Variants in ITPRID1 observed in about 807,000 individuals in gnomAD.
ITPRID1 encodes protein ITPRID1.
A neutral mutation model predicts 95.4 loss-of-function variants in ITPRID1; 96 were observed. The observed-to-expected ratio is 1.01, with a 90% confidence interval of 0.85 to 1.19. The LOEUF (loss-of-function observed/expected upper bound fraction) is 1.19, where lower values mean the gene tolerates loss of function less well. Ranked by LOEUF, ITPRID1 falls within the 50% of genes most tolerant of loss-of-function variation. The pLI, the probability that ITPRID1 is intolerant of heterozygous loss-of-function variation, is 0.00. For missense variants in ITPRID1, 1,339 were observed against 1,252.9 expected, an observed-to-expected ratio of 1.07 and a Z score of -1.04; for synonymous variants, 510 against 453.6, an observed-to-expected ratio of 1.12 and a Z score of -1.58.
At chr7:31,616,527 G>A (rs1787246009) in intron 10 of ITPRID1, among the ~76,000 whole-genome samples, 1 of 151,450 alleles carries the variant, frequency 6.6e-6, no homozygotes, top group African/African-American at 2.5e-5. Context: ...AGGAGAAGGA[G>A]GTCATCTGCC....
intron 10 of ITPRID1, among the ~76,000 whole-genome samples, chr7:31,596,055 T>C (rs1188499530): frequency 2.6e-5 from 4 of 151,716 alleles, no homozygotes; most frequent in Non-Finnish European, 4.4e-5. Context: ...ATTTTGCATA[T>C]GTCATTTATT....
chr7:31,555,510 T>C (rs1784417474), intron 5 of ITPRID1, among the ~76,000 whole-genome samples: 1 of 150,770 alleles, frequency 6.6e-6, no homozygotes, highest in Non-Finnish European at 1.5e-5. Flanking sequence ...GACCCTTCAA[T>C]TATAAAATGC....
chr7:31,515,182 T>G (rs1048655535), intron 1 of ITPRID1, among the ~76,000 whole-genome samples: 1 of 152,032 alleles, frequency 6.6e-6, no homozygotes, highest in Non-Finnish European at 1.5e-5. Flanking sequence ...AAAAAATTGT[T>G]ATAGGAATAC....
intron 10 of ITPRID1, among the ~76,000 whole-genome samples, chr7:31,595,247 A>G (rs543812250): frequency 5.9e-4 from 90 of 151,314 alleles, no homozygotes; most frequent in African/African-American, 2.1e-3. Context: ...GTTTCACCAT[A>G]TTGGCCAGGC....
rs1236693093 is a variant in ITPRID1 at position 31,643,301 on chromosome 7, C to G, written c.1931C>G (p.Pro644Arg). 1 of 1,613,700 alleles carries G rather than the reference C, an allele frequency of 6.2e-7. No individual in the cohort carries two copies. Among genetic ancestry groups the G allele is most frequent in the Non-Finnish European group, 8.5e-7 (1 of 1,179,876 alleles). ...LVPESSSQCI[P>R]KHSEITPYAT... is the part of the protein sequence containing the mutation. The stretch of plus-strand genomic sequence containing the variant: ...CCAGAAAGCTCATCACAGTGTATCC[C>G]CAAGCACAGTGAAATCACACCTTAT... Residue 644 changes from proline (P) to arginine (R), a missense_variant, in exon 12 of 15, where the codon CCC (proline) becomes CGC (arginine). Transcript: ENST00000615280.
intron 9 of ITPRID1, among the ~76,000 whole-genome samples, chr7:31,582,110 C>G (rs1015014391): frequency 6.6e-6 from 1 of 152,112 alleles, no homozygotes; most frequent in South Asian, 2.1e-4. Flanking sequence ...AGTAATATGA[C>G]ATGTAGAACA....
chr7:31,576,435 A>G (rs949335766), intron 8 of ITPRID1, among the ~76,000 whole-genome samples: 2 of 152,230 alleles, frequency 1.3e-5, no homozygotes, highest in African/African-American at 4.8e-5. Flanking sequence ...GTCTTAGTCT[A>G]AATTTAAAAA....
chr7:31,531,023 T>C (rs12701115), intron 1 of ITPRID1, among the ~76,000 whole-genome samples: 88,573 of 151,888 alleles, frequency 0.58, 26,869 homozygotes, highest in Middle Eastern at 0.71. Flanking sequence ...GCCTCTGGAG[T>C]AGGTCTGGGA....
At chr7:31,591,371 A>G (rs1785857679) in intron 10 of ITPRID1, among the ~76,000 whole-genome samples, 1 of 152,212 alleles carries the variant, frequency 6.6e-6, no homozygotes, top group African/African-American at 2.4e-5. Context: ...TGTGAGACAC[A>G]CATATGCAGC....
downstream of ITPRID1, among the ~76,000 whole-genome samples, chr7:31,656,863 G>A (rs1311311395): frequency 1.4e-5 from 2 of 144,246 alleles, no homozygotes; most frequent in East Asian, 4.1e-4. Flanking sequence ...GAGCATAGAA[G>A]GGAAACTAAA....
rs548037231 is a variant in ITPRID1, at chr7:31,594,775, C to T, written c.1228+11584C>T. Among the ~76,000 whole-genome samples, 9 of 151,618 alleles carry T rather than the reference C, an allele frequency of 5.9e-5. 1 individual carries two copies. The South Asian group carries it at 6.3e-4, about 11-fold the overall frequency. ...GGAAGGCTGAGGCAGAAGAATCGCT[C>T]GAACTTGGGAGGCAGAGGTTGCAAT... On this transcript the variant is annotated intron_variant, in intron 10 of 14. Transcript: ENST00000615280.
rs1158232246 is a variant in ITPRID1 at position 31,578,165 on chromosome 7, T to G, written c.901T>G (p.Ser301Ala). The G allele has an allele frequency of 4.3e-6, 7 of 1,613,766 alleles. No individual in the cohort carries two copies. The highest frequency in any genetic ancestry group is 5.9e-6 in the Non-Finnish European group (7 of 1,179,808). The change falls in exon 9 of 15, where the codon TCA (serine) becomes GCA (alanine). Residue 301 changes from serine to alanine, a missense_variant. Physicochemically the swap from Ser to Ala is moderately conservative, Grantham distance 99 (BLOSUM62 1). Coordinates refer to ENST00000615280, the MANE Select transcript of ITPRID1 (RefSeq NM_001257967.3). ...WDCGAELAATSINHKQNHLSL... is the reference protein window; with the variant it reads ...WDCGAELAATAINHKQNHLSL... Reference sequence around the variant, plus strand: ...TTGTGGAGCAGAGCTAGCAGCAACCTCAATCAACCACAAGCAAAATCATTT... The same window carrying G: ...TTGTGGAGCAGAGCTAGCAGCAACCGCAATCAACCACAAGCAAAATCATTT...
Position 31,652,967 on chromosome 7 carries a change from A to C in ITPRID1, c.*138A>C. On this transcript the variant is annotated 3_prime_UTR_variant, in exon 15 of 15. Transcript: ENST00000615280. ...ATCTCTCATATTCTACCCTTTGGTT[A>C]AACCCAAGAGGAGTTTAGAATACTC... is the stretch of plus-strand genomic sequence containing the variant. The C allele has an allele frequency of 6.9e-7, 1 of 1,459,136 alleles. No homozygotes were observed. The highest frequency in any genetic ancestry group is 9.0e-7 in the Non-Finnish European group (1 of 1,108,898). 90.4% of individuals were successfully genotyped at this position (1,459,136 alleles called of 1,614,324 possible).
At chr7:31,607,905 A>G (rs1039637293) in intron 10 of ITPRID1, among the ~76,000 whole-genome samples, 21 of 151,450 alleles carry the variant, frequency 1.4e-4, no homozygotes, top group African/African-American at 5.1e-4. Context: ...TATGTATTTA[A>G]CCTCGTGAAG....
intron 10 of ITPRID1, among the ~76,000 whole-genome samples, chr7:31,619,698 C>T (rs1428030242): frequency 6.6e-6 from 1 of 152,110 alleles, no homozygotes; most frequent in Non-Finnish European, 1.5e-5. Context: ...CGGGTGATTT[C>T]TGCATTTCCA....
At position 31,655,628 on chromosome 7, in the gene ITPRID1, G is replaced by A. The variant is rs920490927; in HGVS notation, c.*2799G>A. On this transcript the variant is annotated 3_prime_UTR_variant, in exon 15 of 15. Transcript: ENST00000615280. The stretch of plus-strand genomic sequence containing the variant: ...GCCCTGGAGTTATTATGCGCCTCTC[G>A]TCGCCTCCCACTGCATCATCCCTTT... 3.3e-5 allele frequency among the ~76,000 whole-genome samples: 5 copies of A among 152,174 alleles called. No homozygotes were observed. The East Asian group carries it at 7.7e-4, about 24-fold the overall frequency.
At position 31,606,614 on chromosome 7, in the gene ITPRID1, C is replaced by T. The variant is rs567440879; in HGVS notation, c.1228+23423C>T. Among the ~76,000 whole-genome samples, 4 of 152,222 alleles carry T rather than the reference C, an allele frequency of 2.6e-5. No homozygotes were observed. In the South Asian group the frequency reaches 6.2e-4, roughly 24 times the overall value. ...CAGACTTGATATGGAGAAAGAATTT[C>T]GTGCTTAGAGAAATTTTAAAAAATT... On this transcript the variant is annotated intron_variant, in intron 10 of 14. Coordinates refer to ENST00000615280, the MANE Select transcript of ITPRID1 (RefSeq NM_001257967.3).
rs764753183 is a variant in ITPRID1, at chr7:31,643,437, T to C, written c.2067T>C (p.Pro689=). 1 of 1,614,022 alleles carries C rather than the reference T, an allele frequency of 6.2e-7. No homozygotes were observed. Among genetic ancestry groups the C allele is most frequent in the Non-Finnish European group, 8.5e-7 (1 of 1,179,896 alleles). ...SRSGTLGQIL[P]GTEAEMENLP... ...CTGGTACTTTGGGTCAGATACTACC[T>C]GGGACAGAAGCTGAGATGGAAAACC... The change falls in exon 12 of 15, where the codon CCT becomes CCC. Residue 689 remains proline, a synonymous_variant. Transcript: ENST00000615280.
chr7:31,609,947 G>A (rs768893738), intron 10 of ITPRID1, among the ~76,000 whole-genome samples: 85 of 151,314 alleles, frequency 5.6e-4, no homozygotes, highest in Non-Finnish European at 7.0e-4. Flanking sequence ...GCCTGCTTTT[G>A]CTGCATTCAT....
Sources: gnomAD v4.1 joint callset for allele counts (sites outside exome capture counted in the v4.1 genomes callset) on GRCh38, gnomAD v4.1.1 for gene constraint, MANE v1.5 for transcripts, NCBI Gene and HGNC (gene_info 2026-07-23, HGNC 2026-07-21) for gene names.